TBC1D1: variants seen among roughly 807,000 people sequenced by gnomAD.
TBC1D1 encodes the protein TBC1 domain family member 1.
A neutral mutation model predicts 125.6 loss-of-function variants in TBC1D1; 89 were observed. That is an observed-to-expected ratio of 0.71 (90% CI 0.60 to 0.85). TBC1D1 has a LOEUF of 0.85. TBC1D1 is among the 40% of genes least tolerant of loss of function. The pLI is 0.00. For synonymous variants in TBC1D1, 565 were observed against 564.1 expected, an observed-to-expected ratio of 1.00 and a Z score of -0.02; for missense variants, 1,377 against 1,469.2, an observed-to-expected ratio of 0.94 and a Z score of 1.03.
chr4:38,017,069 A>C (rs997001975), intron 3 of TBC1D1, among the ~76,000 whole-genome samples: 2 of 152,046 alleles, frequency 1.3e-5, no homozygotes, highest in African/African-American at 4.8e-5. Flanking sequence ...GGGGAAGGAG[A>C]GGGATCTCAG....
At chr4:38,097,118 G>A (rs1023580511) in intron 14 of TBC1D1, among the ~76,000 whole-genome samples, 2 of 152,124 alleles carry the variant, frequency 1.3e-5, no homozygotes, top group African/African-American at 4.8e-5. Flanking sequence ...TATAGAATGG[G>A]TTTTTCCTGA....
chr4:38,036,595 T>G (rs543208523), intron 8 of TBC1D1, among the ~76,000 whole-genome samples: 1 of 152,300 alleles, frequency 6.6e-6, no homozygotes, highest in African/African-American at 2.4e-5. Flanking sequence ...ACGGCAGCCT[T>G]TGCGTCTGGA....
chr4:38,031,676 G>C (rs182081382), intron 7 of TBC1D1, among the ~76,000 whole-genome samples: 110 of 152,240 alleles, frequency 7.2e-4, no homozygotes, highest in African/African-American at 2.6e-3. Context: ...GAGCACAGTG[G>C]TTATTCTAGG....
intron 18 of TBC1D1, 88 bp from the exon 21 acceptor site, chr4:38,132,996 G>T: frequency 8.7e-7 from 1 of 1,153,466 alleles, no homozygotes; most frequent in East Asian, 2.4e-5. Context: ...CGCTTCACAG[G>T]TGCGCATTGT....
intron 8 of TBC1D1, among the ~76,000 whole-genome samples, chr4:38,038,506 A>T (rs183000233): frequency 1.3e-5 from 2 of 152,322 alleles, no homozygotes; most frequent in African/African-American, 4.8e-5. Context: ...TAGCATGTAT[A>T]TCATTAACTA....
intron 10 of TBC1D1, among the ~76,000 whole-genome samples, chr4:38,049,295 G>A (rs1032282676): frequency 2.0e-5 from 3 of 152,150 alleles, no homozygotes; most frequent in African/African-American, 7.2e-5. Flanking sequence ...CCCCTTAGAA[G>A]CTGCAGTAAA....
chr4:37,939,550 G>T (rs1400363363), intron 2 of TBC1D1, among the ~76,000 whole-genome samples: 2 of 152,088 alleles, frequency 1.3e-5, no homozygotes, highest in South Asian at 4.1e-4. Context: ...GTCAATTTTG[G>T]CTTCTGTTGC....
Position 38,131,840 on chromosome 4 carries a change from T to G in TBC1D1, c.3133-1244T>G, listed in dbSNP as rs564367000. Among the ~76,000 whole-genome samples the G allele has an allele frequency of 1.5e-3, 234 of 152,294 alleles. No homozygotes were observed. In the Middle Eastern group the frequency reaches 0.017, roughly 11 times the overall value. ...CTCCCTCTTACTCCCCTCGCACACA[T>G]GCACACACACCCCACAGATATAATG... On this transcript the variant is annotated intron_variant, in intron 18 of 19. Transcript: ENST00000261439.
Position 38,014,642 on chromosome 4 carries a change from C to T in TBC1D1, c.551C>T (p.Ala184Val), listed in dbSNP as rs777396585. ...CTCTTCTGCGGCCGCGTGACGGTGG[C>T]GCACAAGAAGGCTCCGCCGGCCCTG... Residue 184 changes from alanine (A) to valine (V), a missense_variant, in exon 3 of 20, where the codon GCG becomes GTG. Transcript: ENST00000261439. This position sits in a 1 kb window ranked among gnomAD's most constrained non-coding sequence, Gnocchi z 5.1. 7.4e-6 allele frequency: 12 copies of T among 1,613,320 alleles called. No individual in the cohort carries two copies. The East Asian group carries it at 2.2e-4, about 30-fold the overall frequency.
chr4:38,067,025 C>T (rs1753865887), intron 12 of TBC1D1, among the ~76,000 whole-genome samples: 1 of 152,078 alleles, frequency 6.6e-6, no homozygotes, highest in South Asian at 2.1e-4. Context: ...TACAGGTGCG[C>T]ACCACCACGC....
chr4:38,078,049 A>G (rs957709240), intron 12 of TBC1D1, among the ~76,000 whole-genome samples: 3 of 152,158 alleles, frequency 2.0e-5, no homozygotes, highest in African/African-American at 7.2e-5. Flanking sequence ...AAAGAACAGC[A>G]AAGATGAAAG....
intron 2 of TBC1D1, among the ~76,000 whole-genome samples, chr4:37,980,030 C>T (rs1293498678): frequency 3.3e-5 from 5 of 152,156 alleles, no homozygotes; most frequent in Admixed American, 6.5e-5. Context: ...CCACCTGCCT[C>T]GGCCTCCCAA....
intron 2 of TBC1D1, among the ~76,000 whole-genome samples, chr4:37,906,153 T>C (rs779154259): frequency 1.4e-5 from 2 of 146,514 alleles, no homozygotes; most frequent in South Asian, 2.1e-4. Flanking sequence ...TCTTTTTCTT[T>C]TCCCCCCCGC....
intron 2 of TBC1D1, among the ~76,000 whole-genome samples, chr4:37,904,254 C>T (rs951599585): frequency 6.6e-6 from 1 of 152,144 alleles, no homozygotes; most frequent in Non-Finnish European, 1.5e-5. Flanking sequence ...TTTCATTTCA[C>T]GTCTTAGGTA....
At chr4:37,955,932 T>A (rs1728843571) in intron 2 of TBC1D1, among the ~76,000 whole-genome samples, 1 of 152,038 alleles carries the variant, frequency 6.6e-6, no homozygotes, top group South Asian at 2.1e-4. Flanking sequence ...AGTCTAGGAG[T>A]TTGAGACCAG....
chr4:38,122,462 C>A (rs1764013723), intron 17 of TBC1D1, among the ~76,000 whole-genome samples: 1 of 152,216 alleles, frequency 6.6e-6, no homozygotes, highest in Non-Finnish European at 1.5e-5. Flanking sequence ...TCCTGCACAC[C>A]TCCCTGTATT....
In TBC1D1 at chr4:38,021,291, G is replaced by A. The variant is rs184771551; in HGVS notation, c.1078-295G>A. 8.5e-4 allele frequency among the ~76,000 whole-genome samples: 129 copies of A among 152,236 alleles called. 2 individuals are homozygous for A. The highest frequency in any genetic ancestry group is 2.9e-3 in the African/African-American group (120 of 41,528). ...CCATGATTCAATTACCTCCCACTGG[G>A]TCCCTCCCATGACATATGGGAATTA... is the stretch of plus-strand genomic sequence containing the variant. On this transcript the variant is annotated intron_variant, in intron 5 of 19. Transcript: ENST00000261439.
intron 2 of TBC1D1, among the ~76,000 whole-genome samples, chr4:37,974,071 G>A (rs1000133181): frequency 2.6e-5 from 4 of 152,172 alleles, no homozygotes; most frequent in Admixed American, 6.5e-5. Context: ...TAAGTGTTTG[G>A]GAAAGTGATG....
intron 2 of TBC1D1, among the ~76,000 whole-genome samples, chr4:37,967,597 T>A (rs1388154148): frequency 1.3e-5 from 2 of 152,138 alleles, no homozygotes. Flanking sequence ...AAATTTTGAT[T>A]TACTATAGAA....
Sources: allele counts gnomAD v4.1 joint callset (sites outside exome capture counted in the v4.1 genomes callset), GRCh38; gene constraint gnomAD v4.1.1; non-coding constraint Gnocchi (gnomAD v3.1); transcripts MANE v1.5; gene names NCBI Gene and HGNC (gene_info 2026-07-23, HGNC 2026-07-21).